Variants in LRRC27 observed in about 807,000 individuals in gnomAD.
LRRC27 encodes the protein leucine rich repeat containing 27, also known as leucine-rich repeat-containing protein 27.
LRRC27 carries 57 observed loss-of-function variants against 55.0 expected under a neutral mutation model. The ratio of observed to expected loss-of-function variants is 1.04; its 90% CI spans 0.84 to 1.29. LRRC27 has a LOEUF of 1.29. Among genes scored for constraint, LRRC27 ranks in the 50% most tolerant of loss-of-function variants. LRRC27 has a pLI of 0.00. For synonymous variants in LRRC27, 278 were observed against 251.9 expected (o/e 1.10, Z -0.98); for missense variants, 721 against 651.5 (o/e 1.11, Z -1.16).
chr10:132,356,028 T>C, intron 8 of LRRC27, 142 bp downstream of exon 8: 2 of 630,738 alleles, frequency 3.2e-6, no homozygotes, highest in South Asian at 3.5e-5. Flanking sequence ...CCATGGAGGA[T>C]GAGCTGAGAC....
Position 132,361,578 on chromosome 10 carries a change from T to G in LRRC27, c.1289+3T>G. The G allele has an allele frequency of 1.2e-6, 2 of 1,604,224 alleles. No individual in the cohort carries two copies. The highest frequency in any genetic ancestry group is 1.7e-6 in the Non-Finnish European group (2 of 1,171,446). On this transcript the variant is annotated splice_donor_region_variant and intron_variant, in intron 9 of 10. Coordinates refer to ENST00000368614, the MANE Select transcript of LRRC27 (RefSeq NM_030626.3). ...CCACAAGCAAGTAAAGAAATGAGGT[T>G]GGTAACTGCAACTGGCACTCAGTCC...
At chr10:132,358,627 G>A (rs867764877) in intron 8 of LRRC27, among the ~76,000 whole-genome samples, 4 of 121,872 alleles carry the variant, frequency 3.3e-5, no homozygotes, top group East Asian at 2.9e-4. Flanking sequence ...GGAGCGTGGG[G>A]AGGAGCCGAG....
chr10:132,355,236 C>T lies in LRRC27; in HGVS notation c.1074-554C>T, dbSNP rs190606428. Among the ~76,000 whole-genome samples the T allele has an allele frequency of 1.1e-4, 16 of 152,288 alleles. No homozygotes were observed. In the East Asian group the frequency reaches 2.1e-3, roughly 20 times the overall value. ...AACTAGAGGCGCCCACCACTACACC[C>T]GGCTAATTTTTTGTATTTTTAGTAG... is the stretch of plus-strand genomic sequence containing the variant. On this transcript the variant is annotated intron_variant, in intron 7 of 10. Coordinates refer to ENST00000368614, the MANE Select transcript of LRRC27 (RefSeq NM_030626.3).
At chr10:132,336,089 A>G (rs967084710) in intron 2 of LRRC27, among the ~76,000 whole-genome samples, 1 of 152,238 alleles carries the variant, frequency 6.6e-6, no homozygotes, top group Non-Finnish European at 1.5e-5. Flanking sequence ...ACCAGCTCCA[A>G]GTCACAGGTG....
Position 132,375,136 on chromosome 10 carries a change from C to T in LRRC27, c.1487C>T (p.Ala496Val), listed in dbSNP as rs138390679. The change falls in exon 11 of 11, where the codon GCG (alanine) becomes GTG (valine). Residue 496 changes from alanine to valine, a missense_variant. Transcript: ENST00000368614. ...ACCTTGAACAAAGATCGTCGACGGG[C>T]GGCCCTCACTGGAAACCTTTCGCTT... The part of the protein sequence containing the change: ...GLTLNKDRRR[A>V]ALTGNLSLGL... 2.8e-3 allele frequency: 4,554 copies of T among 1,614,082 alleles called. 5 individuals are homozygous for T. The highest frequency in any genetic ancestry group is 3.6e-3 in the Non-Finnish European group (4,278 of 1,179,968).
chr10:132,332,317 T>A (rs948541662), intron 1 of LRRC27, 61 bp downstream of exon 1: 1 of 152,776 alleles, frequency 6.5e-6, no homozygotes, highest in Admixed American at 6.5e-5. Flanking sequence ...GGCAGGAAGG[T>A]GGTGCCTCGG....
chr10:132,354,029 C>T (rs955605421), intron 7 of LRRC27, among the ~76,000 whole-genome samples: 23 of 152,204 alleles, frequency 1.5e-4, no homozygotes, highest in African/African-American at 5.5e-4. Flanking sequence ...CAGGAGGCTG[C>T]CTGTGGGAGT....
intron 7 of LRRC27, among the ~76,000 whole-genome samples, chr10:132,354,719 G>A (rs1163814215): frequency 2.6e-5 from 4 of 152,248 alleles, no homozygotes; most frequent in Admixed American, 6.5e-5. Context: ...CGCTGTGACC[G>A]CAAGGAAGGA....
intron 8 of LRRC27, among the ~76,000 whole-genome samples, chr10:132,360,045 T>C (rs549294914): frequency 6.6e-6 from 1 of 152,330 alleles, no homozygotes; most frequent in East Asian, 1.9e-4. Flanking sequence ...AATACATACT[T>C]TTAATGTCTT....
chr10:132,362,437 G>C (rs575507761), intron 9 of LRRC27, among the ~76,000 whole-genome samples: 1 of 152,174 alleles, frequency 6.6e-6, no homozygotes. Flanking sequence ...TGGGTGGCCC[G>C]GCGAGTTCAC....
At chr10:132,368,543 C>CA (rs2069148349) in intron 10 of LRRC27, among the ~76,000 whole-genome samples, 1 of 152,156 alleles carries the variant, frequency 6.6e-6, no homozygotes, top group African/African-American at 2.4e-5. Context: ...GACAGAGGAG[C>CA]AAAAGCAACT....
At position 132,355,894 on chromosome 10, in the gene LRRC27, A is replaced by T; in HGVS notation, c.1170+8A>T. ...CCTCCGCGGAGGAGCATGGTACGGC[A>T]CGCGCGGGCGGTGACCGGGCACTAG... On this transcript the variant is annotated splice_region_variant and intron_variant, in intron 8 of 10. Transcript: ENST00000368614. The T allele has an allele frequency of 6.5e-7, 1 of 1,546,694 alleles. No homozygotes were observed. Among genetic ancestry groups the T allele is most frequent in the Non-Finnish European group, 8.7e-7 (1 of 1,143,278 alleles).
intron 5 of LRRC27, among the ~76,000 whole-genome samples, chr10:132,345,670 G>A (rs2067648377): frequency 6.6e-6 from 1 of 152,326 alleles, no homozygotes. Flanking sequence ...AGGAGTGGGG[G>A]CAGGTAGCTG....
chr10:132,337,323 C>A, intron 2 of LRRC27: 1 of 1,314,610 alleles, frequency 7.6e-7, no homozygotes, highest in Non-Finnish European at 9.7e-7. Flanking sequence ...AGCAGAGTGC[C>A]GGCTCTTCAG....
chr10:132,357,199 G>T (rs568985697), intron 8 of LRRC27, among the ~76,000 whole-genome samples: 1 of 152,224 alleles, frequency 6.6e-6, no homozygotes, highest in African/African-American at 2.4e-5. Context: ...TGTCCAATGC[G>T]TTGGATAAAC....
chr10:132,351,632 A>T lies in LRRC27; in HGVS notation c.952A>T (p.Ile318Phe). Reference sequence around the variant, plus strand: ...AAGGAAGACAGCCTCCTCCAGGAGCATCTTACCCGACCTCTTGTCACCGTA... The same window carrying T: ...AAGGAAGACAGCCTCCTCCAGGAGCTTCTTACCCGACCTCTTGTCACCGTA... ...FRRKTASSRSILPDLLSPYQM... is the reference protein window; with the variant it reads ...FRRKTASSRSFLPDLLSPYQM... Residue 318 changes from isoleucine to phenylalanine, a missense_variant, in exon 7 of 11, where the codon ATC becomes TTC. Transcript: ENST00000368614. 6.2e-7 allele frequency: 1 copy of T among 1,614,098 alleles called. No individual in the cohort carries two copies. The highest frequency in any genetic ancestry group is 8.5e-7 in the Non-Finnish European group (1 of 1,180,004).
At position 132,378,091 on chromosome 10, in the gene LRRC27, C is replaced by T. The variant is rs1422222607; in HGVS notation, c.*2849C>T. On this transcript the variant is annotated 3_prime_UTR_variant, in exon 11 of 11. Coordinates refer to ENST00000368614, the MANE Select transcript of LRRC27 (RefSeq NM_030626.3). ...TCAGGAGGCTGAGGCGGGAGAATGG[C>T]GTGAACCCAGGAGACGGAGCTTGCA... 2.6e-5 allele frequency: 4 copies of T among 151,720 alleles called. No homozygotes were observed. The South Asian group carries it at 6.2e-4, about 24-fold the overall frequency. 9.4% of individuals were successfully genotyped at this position (151,720 alleles called of 1,614,324 possible). A position where few individuals can be genotyped will look rare whatever the true frequency, so the allele number is the denominator to read the frequency against.
At chr10:132,344,701 T>A in intron 5 of LRRC27, 51 bp downstream of exon 5, 1 of 1,596,284 alleles carries the variant, frequency 6.3e-7, no homozygotes, top group Non-Finnish European at 8.6e-7. Flanking sequence ...AAGTTACAGC[T>A]TTTTAAAATC....
rs150327674 is a variant in LRRC27 at position 132,372,638 on chromosome 10, C to A, written c.1417-2428C>A. Among the ~76,000 whole-genome samples the A allele has an allele frequency of 6.6e-5, 10 of 152,276 alleles. No individual in the cohort carries two copies. In the East Asian group the frequency reaches 1.9e-3, roughly 29 times the overall value. ...CCTGGGTCTGCTTCCCTACTCTGCC[C>A]AGCCCACTGACTCCTCCAGCCTACC... On this transcript the variant is annotated intron_variant, in intron 10 of 10. Coordinates refer to ENST00000368614, the MANE Select transcript of LRRC27 (RefSeq NM_030626.3). The surrounding 1 kb of genome is among the most constrained non-coding windows in gnomAD (Gnocchi z 4.0).
Sources: gnomAD v4.1 joint callset for allele counts (sites outside exome capture counted in the v4.1 genomes callset) on GRCh38, gnomAD v4.1.1 for gene constraint, Gnocchi (gnomAD v3.1) non-coding constraint, MANE v1.5 for transcripts, NCBI Gene and HGNC (gene_info 2026-07-23, HGNC 2026-07-21) for gene names.